Variants in ASZ1 observed in about 807,000 individuals in gnomAD.
ASZ1 encodes the protein ankyrin repeat, SAM and basic leucine zipper domain-containing protein 1.
A neutral mutation model predicts 61.8 loss-of-function variants in ASZ1; 67 were observed. That is an observed-to-expected ratio of 1.08 (90% confidence interval 0.89 to 1.33). The LOEUF (loss-of-function observed/expected upper bound fraction) is 1.33. Among genes scored for constraint, ASZ1 ranks in the 40% most tolerant of loss-of-function variants. ASZ1 has a pLI of 0.00. For missense variants in ASZ1, 577 were observed against 554.5 expected, an observed-to-expected ratio of 1.04 and a Z score of -0.41; for synonymous variants, 193 against 192.7, an observed-to-expected ratio of 1.00 and a Z score of -0.01.
At chr7:117,377,780 C>T (rs1465354588) in intron 10 of ASZ1, among the ~76,000 whole-genome samples, 1 of 152,026 alleles carries the variant, frequency 6.6e-6, no homozygotes, top group Non-Finnish European at 1.5e-5. Flanking sequence ...AATCACTCTT[C>T]CTGATATTAA....
intron 4 of ASZ1, among the ~76,000 whole-genome samples, chr7:117,404,283 G>A (rs1420526289): frequency 6.6e-5 from 10 of 151,892 alleles, no homozygotes; most frequent in African/African-American, 2.2e-4. Context: ...GTGCTGCTCC[G>A]GCTTGAGTTT....
At chr7:117,376,973 G>A (rs1796149223) in intron 10 of ASZ1, among the ~76,000 whole-genome samples, 2 of 151,964 alleles carry the variant, frequency 1.3e-5, no homozygotes, top group African/African-American at 2.4e-5. Context: ...AATGTGAAAG[G>A]AAAAAATTAA....
rs763033466 is a variant in ASZ1, at chr7:117,368,257, A to T, written c.1161+355T>A. 1.5e-3 allele frequency: 1,461 copies of T among 978,380 alleles called. 4 individuals are homozygous for T. The highest frequency in any genetic ancestry group is 1.7e-3 in the Non-Finnish European group (1,409 of 820,886). 60.6% of individuals were successfully genotyped at this position (978,380 alleles called of 1,614,324 possible). A position where few individuals can be genotyped will look rare whatever the true frequency, so the allele number is the denominator to read the frequency against. ...CACTCTTCCTATTCTAAATTTATTT[A>T]AAAATATTTTATTGATATGGTTTTT... On this transcript the variant is annotated intron_variant, in intron 11 of 12. Transcript: ENST00000284629.
intron 4 of ASZ1, among the ~76,000 whole-genome samples, chr7:117,387,337 A>ACAACAACGC (rs1488104622): frequency 6.7e-6 from 1 of 149,938 alleles, no homozygotes; most frequent in Admixed American, 6.6e-5. Flanking sequence ...AACAACAACA[A>ACAACAACGC]CAACAACAAC....
intron 4 of ASZ1, among the ~76,000 whole-genome samples, chr7:117,409,592 T>A (rs945828680): frequency 5.3e-5 from 8 of 151,946 alleles, no homozygotes; most frequent in African/African-American, 1.9e-4. Flanking sequence ...ATGACACTGT[T>A]ATCTGTTTAA....
chr7:117,422,297 C>T lies in ASZ1; in HGVS notation c.268G>A (p.Ala90Thr). ...WTPLMYAASV[A>T]NAELVRVLLD... ...AGGACCCGAACCAGCTCTGCATTGGCAACACTAGCAGCATACATAAGGGGA... is the reference window on the plus strand; with the variant it reads ...AGGACCCGAACCAGCTCTGCATTGGTAACACTAGCAGCATACATAAGGGGA... Residue 90 changes from alanine to threonine, a missense_variant, in exon 3 of 13, where the codon GCC becomes ACC. Ala to Thr is a moderately conservative substitution (Grantham distance 58). Transcript: ENST00000284629. 6.2e-7 allele frequency: 1 copy of T among 1,613,754 alleles called. No homozygotes were observed. The highest frequency in any genetic ancestry group is 8.5e-7 in the Non-Finnish European group (1 of 1,179,732).
At position 117,376,390 on chromosome 7, in the gene ASZ1, A is replaced by G. The variant is rs868253730; in HGVS notation, c.1055+3548T>C. Among the ~76,000 whole-genome samples the G allele has an allele frequency of 4.6e-5, 7 of 152,318 alleles. No individual in the cohort carries two copies. In the East Asian group the frequency reaches 1.3e-3, roughly 29 times the overall value. On this transcript the variant is annotated intron_variant, in intron 10 of 12. Transcript: ENST00000284629. ...AATGTTTAAAGAAGAGTTAATGTCA[A>G]TTCTACACAATCTCTTACAGAAAAT...
At chr7:117,419,751 T>C (rs1457944082) in intron 4 of ASZ1, among the ~76,000 whole-genome samples, 1 of 152,180 alleles carries the variant, frequency 6.6e-6, no homozygotes, top group Non-Finnish European at 1.5e-5. Flanking sequence ...CTTAAGAAAA[T>C]GGAAACAATT....
At position 117,386,059 on chromosome 7, in the gene ASZ1, A is replaced by C. The variant is rs142076992; in HGVS notation, c.441-250T>G. 1.8e-3 allele frequency among the ~76,000 whole-genome samples: 275 copies of C among 152,324 alleles called. 2 individuals carry two copies. Among genetic ancestry groups the C allele is most frequent in the African/African-American group, 6.5e-3 (270 of 41,582 alleles). ...GAATAAATGTATTAAAAATACATGA[A>C]ATAAGCCACGCTTTCTACTATGAAG... On this transcript the variant is annotated intron_variant, in intron 4 of 12. Transcript: ENST00000284629.
intron 10 of ASZ1, among the ~76,000 whole-genome samples, chr7:117,376,498 A>C (rs1796138913): frequency 6.6e-6 from 1 of 152,138 alleles, no homozygotes; most frequent in Admixed American, 6.6e-5. Context: ...ACAAAAAGGA[A>C]ACTTACAGAG....
intron 10 of ASZ1, among the ~76,000 whole-genome samples, chr7:117,376,051 T>C (rs924046498): frequency 1.3e-5 from 2 of 151,622 alleles, no homozygotes; most frequent in African/African-American, 4.8e-5. Context: ...AAAAAATGCA[T>C]AAACCTCTAG....
chr7:117,390,714 A>AT (rs1186401981), intron 4 of ASZ1, among the ~76,000 whole-genome samples: 1 of 151,778 alleles, frequency 6.6e-6, no homozygotes, highest in East Asian at 1.9e-4. Flanking sequence ...ACTTTTAATT[A>AT]TTTTTTTGAG....
intron 10 of ASZ1, among the ~76,000 whole-genome samples, chr7:117,371,600 C>G (rs1180473405): frequency 2.0e-5 from 3 of 152,112 alleles, no homozygotes; most frequent in Non-Finnish European, 2.9e-5. Flanking sequence ...GTATATGACA[C>G]ATTTCTGCCA....
intron 10 of ASZ1, among the ~76,000 whole-genome samples, chr7:117,379,405 G>T (rs1796209334): frequency 6.6e-6 from 1 of 151,246 alleles, no homozygotes. Flanking sequence ...GCTCTATAAT[G>T]TATTAATAAA....
chr7:117,379,931 A>C lies in ASZ1; in HGVS notation c.1055+7T>G, dbSNP rs1385888077. The stretch of plus-strand genomic sequence containing the variant: ...ATTAATAATATAAACAAATAAGTTA[A>C]TTTTACCTGATTTCCAACTTTGTCT... On this transcript the variant is annotated splice_region_variant and intron_variant, in intron 10 of 12. Transcript: ENST00000284629. 1 of 1,535,220 alleles carries C rather than the reference A, an allele frequency of 6.5e-7. No homozygotes were observed.
At chr7:117,385,158 T>G (rs916973786) in intron 5 of ASZ1, among the ~76,000 whole-genome samples, 19 of 152,192 alleles carry the variant, frequency 1.2e-4, no homozygotes, top group Admixed American at 1.2e-3. Flanking sequence ...AAATAATTCT[T>G]ATGTATATTT....
chr7:117,397,587 T>C (rs1047406020), intron 4 of ASZ1, among the ~76,000 whole-genome samples: 10 of 152,202 alleles, frequency 6.6e-5, no homozygotes, highest in Non-Finnish European at 1.2e-4. Flanking sequence ...GTAACACCTA[T>C]TGAGGCTGGA....
At chr7:117,363,987 A>T (rs1304734611) in intron 12 of ASZ1, among the ~76,000 whole-genome samples, 1 of 152,180 alleles carries the variant, frequency 6.6e-6, no homozygotes, top group African/African-American at 2.4e-5. Context: ...GCTTTCATAG[A>T]TGATCACATT....
chr7:117,368,085 C>A, intron 11 of ASZ1: 1 of 369,878 alleles, frequency 2.7e-6, no homozygotes, highest in Non-Finnish European at 3.7e-6. Flanking sequence ...CCATCATGCG[C>A]AGCTAATTTT....
Sources: allele counts gnomAD v4.1 joint callset (sites outside exome capture counted in the v4.1 genomes callset), GRCh38; gene constraint gnomAD v4.1.1; transcripts MANE v1.5; gene names NCBI Gene and HGNC (gene_info 2026-07-23, HGNC 2026-07-21).